Variants in KCNN2 observed in about 807,000 individuals in gnomAD.
KCNN2 encodes the protein small conductance calcium-activated potassium channel protein 2.
A neutral mutation model predicts 55.5 loss-of-function variants in KCNN2; 24 were observed. The ratio of observed to expected loss-of-function variants is 0.43; its 90% CI spans 0.31 to 0.61. KCNN2 has a LOEUF of 0.61. Among genes scored for constraint, KCNN2 ranks in the 20% least tolerant of loss-of-function variants. The pLI is 0.08. For synonymous variants in KCNN2, 431 were observed against 336.1 expected (o/e 1.28, Z -3.09); for missense variants, 754 against 853.6 (o/e 0.88, Z 1.45).
chr5:114,466,474 AATATATAT>A (rs10577661), intron 4 of KCNN2, among the ~76,000 whole-genome samples: 2 of 149,598 alleles, frequency 1.3e-5, no homozygotes, highest in Non-Finnish European at 3.0e-5. Flanking sequence ...TCTTCCTAGA[AATATATAT>A]ATATATATAT....
chr5:114,058,940 G>T (rs1345007411), intron 1 of KCNN2, among the ~76,000 whole-genome samples: 1 of 152,116 alleles, frequency 6.6e-6, no homozygotes, highest in African/African-American at 2.4e-5. Context: ...AGACCAGCTC[G>T]GGGGGTCAAG....
intron 1 of KCNN2, among the ~76,000 whole-genome samples, chr5:114,087,922 A>G (rs1751050319): frequency 6.6e-6 from 1 of 152,082 alleles, no homozygotes; most frequent in Non-Finnish European, 1.5e-5. Context: ...TGCTATTCTC[A>G]ACTGTATATT....
At chr5:114,314,013 T>A (rs1756453417) in intron 2 of KCNN2, among the ~76,000 whole-genome samples, 1 of 152,140 alleles carries the variant, frequency 6.6e-6, no homozygotes, top group African/African-American at 2.4e-5. Flanking sequence ...TTCGGTTTGA[T>A]CAACAGCTTT....
chr5:114,474,755 C>A (rs1310892049), intron 5 of KCNN2, among the ~76,000 whole-genome samples: 1 of 152,040 alleles, frequency 6.6e-6, no homozygotes, highest in African/African-American at 2.4e-5. Flanking sequence ...TGCATTAAGA[C>A]CCTTGTAATC....
rs141841965 is a variant in KCNN2, at chr5:114,090,072, A to G, written c.-271+33572A>G. On this transcript the variant is annotated intron_variant, in intron 1 of 10. Transcript: ENST00000512097. ...ATATCCCTTAATTAAATAAGAAAAT[A>G]TGAATTTCAGTGTGTGAACTATACT... Among the ~76,000 whole-genome samples, 253 of 152,310 alleles carry G rather than the reference A, an allele frequency of 1.7e-3. 6 individuals are homozygous for G. Among genetic ancestry groups the G allele is most frequent in the Admixed American group, 0.013 (205 of 15,302 alleles).
intron 1 of KCNN2, among the ~76,000 whole-genome samples, chr5:114,159,172 G>A (rs1182354173): frequency 7.9e-5 from 12 of 152,054 alleles, no homozygotes; most frequent in South Asian, 4.1e-4. Flanking sequence ...TTTGAGATAC[G>A]TCCCATCAAT....
intron 3 of KCNN2, among the ~76,000 whole-genome samples, chr5:114,435,462 T>C (rs1261384597): frequency 6.6e-6 from 1 of 152,152 alleles, no homozygotes; most frequent in East Asian, 1.9e-4. Flanking sequence ...GGCCAGAAAC[T>C]GGTAGTAATG....
At chr5:114,117,112 G>T (rs558136769) in intron 1 of KCNN2, among the ~76,000 whole-genome samples, 1 of 152,210 alleles carries the variant, frequency 6.6e-6, no homozygotes, top group Non-Finnish European at 1.5e-5. Flanking sequence ...TTAATTTCTG[G>T]CTTACTTTTT....
chr5:114,416,572 G>C (rs572567027), intron 3 of KCNN2, among the ~76,000 whole-genome samples: 1 of 152,224 alleles, frequency 6.6e-6, no homozygotes, highest in African/African-American at 2.4e-5. Context: ...TGTGGCAATT[G>C]ATTTTGACAT....
chr5:114,214,485 A>C (rs1472402031), intron 1 of KCNN2, among the ~76,000 whole-genome samples: 1 of 152,090 alleles, frequency 6.6e-6, no homozygotes, highest in South Asian at 2.1e-4. Context: ...ACACTCAACT[A>C]AAGCATGGGC....
At chr5:114,139,788 A>G (rs1267857023) in intron 1 of KCNN2, among the ~76,000 whole-genome samples, 2 of 151,912 alleles carry the variant, frequency 1.3e-5, no homozygotes, top group African/African-American at 4.8e-5. Flanking sequence ...AATATATCAT[A>G]GACTTTGTTT....
intron 1 of KCNN2, among the ~76,000 whole-genome samples, chr5:114,137,206 T>A (rs1203553221): frequency 6.6e-6 from 1 of 152,228 alleles, no homozygotes; most frequent in African/African-American, 2.4e-5. Flanking sequence ...CCCCTTGTTT[T>A]AATTTGCATA....
At chr5:114,257,832 A>G (rs1755014070) in intron 2 of KCNN2, among the ~76,000 whole-genome samples, 1 of 152,062 alleles carries the variant, frequency 6.6e-6, no homozygotes, top group Non-Finnish European at 1.5e-5. Flanking sequence ...GATGCCTTTT[A>G]TTTCTTTCTG....
chr5:114,086,970 C>A (rs1751029963), intron 1 of KCNN2, among the ~76,000 whole-genome samples: 1 of 151,836 alleles, frequency 6.6e-6, no homozygotes, highest in Admixed American at 6.6e-5. Flanking sequence ...TTAGTAGTAG[C>A]CATTTCTGAT....
At chr5:114,203,412 T>G (rs1201785750) in intron 1 of KCNN2, among the ~76,000 whole-genome samples, 3 of 150,500 alleles carry the variant, frequency 2.0e-5, no homozygotes, top group Non-Finnish European at 4.4e-5. Flanking sequence ...TCAAAGAAAA[T>G]CTTCATTTTT....
chr5:114,177,865 C>G (rs1753166973), intron 1 of KCNN2, among the ~76,000 whole-genome samples: 1 of 152,044 alleles, frequency 6.6e-6, no homozygotes, highest in African/African-American at 2.4e-5. Context: ...CCATTTTGAT[C>G]AATTAGACAT....
chr5:114,149,269 C>T (rs924014581), intron 1 of KCNN2, among the ~76,000 whole-genome samples: 2 of 152,052 alleles, frequency 1.3e-5, no homozygotes, highest in African/African-American at 2.4e-5. Context: ...GAGACCTTAT[C>T]GTCGAGACCG....
At chr5:114,272,420 C>CACAT (rs1554078507) in intron 2 of KCNN2, among the ~76,000 whole-genome samples, 1 of 16,086 alleles carries the variant, frequency 6.2e-5, no homozygotes, top group African/African-American at 1.4e-4. Context: ...TATCTACACA[C>CACAT]ATATGTACGT....
chr5:114,466,492 TAA>T (rs934736110), intron 4 of KCNN2, among the ~76,000 whole-genome samples: 123 of 138,568 alleles, frequency 8.9e-4, no homozygotes, highest in African/African-American at 3.0e-3. Flanking sequence ...TATATATATA[TAA>T]AACACATCCT....
Sources: gnomAD v4.1 joint callset for allele counts (sites outside exome capture counted in the v4.1 genomes callset) on GRCh38, gnomAD v4.1.1 for gene constraint, MANE v1.5 for transcripts, NCBI Gene and HGNC (gene_info 2026-07-23, HGNC 2026-07-21) for gene names.